The following LRMDA variants were observed in gnomAD, a reference collection of about 807,000 sequenced individuals.
LRMDA encodes leucine rich melanocyte differentiation associated.
Under a neutral mutation model 29.8 loss-of-function variants are expected in LRMDA, and 18 were observed. The ratio of observed to expected loss-of-function variants is 0.60; its 90% CI spans 0.42 to 0.90. LRMDA has a LOEUF of 0.90. Among genes scored for constraint, LRMDA ranks in the 40% least tolerant of loss-of-function variants. The pLI, the probability that LRMDA is intolerant of heterozygous loss-of-function variation, is 0.00. For synonymous variants in LRMDA, 125 were observed against 109.4 expected, an observed-to-expected ratio of 1.14 and a Z score of -0.89; for missense variants, 273 against 273.9, an observed-to-expected ratio of 1.00 and a Z score of 0.02.
chr10:75,798,505 TTTC>T (rs1401897738), intron 2 of LRMDA, among the ~76,000 whole-genome samples: 1 of 152,118 alleles, frequency 6.6e-6, no homozygotes, highest in Non-Finnish European at 1.5e-5. Context: ...TTCATTGATT[TTTC>T]TTCTTTTTAC....
At chr10:76,016,768 C>T (rs191743773) in intron 2 of LRMDA, among the ~76,000 whole-genome samples, 1 of 152,220 alleles carries the variant, frequency 6.6e-6, no homozygotes, top group African/African-American at 2.4e-5. Flanking sequence ...GAGGCCAGGT[C>T]TTAGGAAAAG....
chr10:75,635,072 C>A (rs1309150744), intron 2 of LRMDA, among the ~76,000 whole-genome samples: 1 of 152,144 alleles, frequency 6.6e-6, no homozygotes, highest in Non-Finnish European at 1.5e-5. Context: ...TGAGAAATTG[C>A]TGCTTTGCTT....
chr10:75,903,581 A>G (rs1845712693), intron 2 of LRMDA, among the ~76,000 whole-genome samples: 1 of 152,250 alleles, frequency 6.6e-6, no homozygotes, highest in Admixed American at 6.5e-5. Context: ...ATTAATAACA[A>G]CAACAATAAT....
intron 6 of LRMDA, among the ~76,000 whole-genome samples, chr10:76,466,273 G>A (rs1463329456): frequency 2.0e-5 from 3 of 152,122 alleles, no homozygotes; most frequent in Non-Finnish European, 4.4e-5. Flanking sequence ...TGAGCAGCTG[G>A]TACTGGCAAG....
rs77139290 is a variant in LRMDA at position 75,712,214 on chromosome 10, C to T, written c.131+273720C>T. Among the ~76,000 whole-genome samples the T allele has an allele frequency of 1.5e-3, 234 of 152,282 alleles. 2 individuals carry two copies. The highest frequency in any genetic ancestry group is 5.5e-3 in the African/African-American group (228 of 41,560). ...TAGAAAATTCAGCAAACATCTCACT[C>T]CATTATCCCTACCTCATCCCTCCCC... is the stretch of plus-strand genomic sequence containing the variant. On this transcript the variant is annotated intron_variant, in intron 2 of 6. Coordinates refer to ENST00000611255, the MANE Select transcript of LRMDA (RefSeq NM_001305581.2).
chr10:76,426,785 T>C (rs915325952), intron 6 of LRMDA, among the ~76,000 whole-genome samples: 1 of 152,206 alleles, frequency 6.6e-6, no homozygotes, highest in Non-Finnish European at 1.5e-5. Flanking sequence ...TTGCATAAGG[T>C]GTAAGGAAGG....
At chr10:76,279,618 T>A (rs1430808694) in intron 5 of LRMDA, among the ~76,000 whole-genome samples, 1 of 146,658 alleles carries the variant, frequency 6.8e-6, no homozygotes, top group South Asian at 2.2e-4. Flanking sequence ...CGATCTTGGC[T>A]CACTGCAACC....
At chr10:76,068,134 T>G (rs1326206693) in intron 5 of LRMDA, among the ~76,000 whole-genome samples, 4 of 152,264 alleles carry the variant, frequency 2.6e-5, no homozygotes, top group African/African-American at 9.6e-5. Flanking sequence ...AGGGATGGCA[T>G]GGTCCCATTT....
chr10:76,478,470 AT>A (rs1842701626), intron 6 of LRMDA, among the ~76,000 whole-genome samples: 1 of 152,186 alleles, frequency 6.6e-6, no homozygotes, highest in African/African-American at 2.4e-5. Flanking sequence ...TAGTTCAACC[AT>A]TGTGGAAGTC....
chr10:75,987,607 C>T (rs1245659373), intron 2 of LRMDA, among the ~76,000 whole-genome samples: 3 of 152,198 alleles, frequency 2.0e-5, no homozygotes, highest in Admixed American at 6.5e-5. Flanking sequence ...CACTGGCTGC[C>T]ATAAGAGCTG....
At chr10:76,416,921 A>T (rs1333680343) in intron 6 of LRMDA, among the ~76,000 whole-genome samples, 1 of 152,138 alleles carries the variant, frequency 6.6e-6, no homozygotes, top group Non-Finnish European at 1.5e-5. Flanking sequence ...TTTAACTGTT[A>T]TGGATGTATA....
At chr10:75,492,428 A>T (rs896633936) in intron 2 of LRMDA, among the ~76,000 whole-genome samples, 2 of 152,202 alleles carry the variant, frequency 1.3e-5, no homozygotes, top group Non-Finnish European at 2.9e-5. Context: ...AGTATGTTAA[A>T]TGAAGTTTTA....
At chr10:76,381,314 T>A (rs1386338006) in intron 6 of LRMDA, among the ~76,000 whole-genome samples, 1 of 152,130 alleles carries the variant, frequency 6.6e-6, no homozygotes, top group African/African-American at 2.4e-5. Flanking sequence ...TAAAATGTAA[T>A]TTATTTGATA....
chr10:76,099,544 A>C (rs1161990720), intron 5 of LRMDA, among the ~76,000 whole-genome samples: 1 of 152,134 alleles, frequency 6.6e-6, no homozygotes, highest in Non-Finnish European at 1.5e-5. Context: ...TTTTAGTGCT[A>C]TAAATTTCCC....
At chr10:76,072,993 G>T (rs906152255) in intron 5 of LRMDA, among the ~76,000 whole-genome samples, 5 of 152,194 alleles carry the variant, frequency 3.3e-5, no homozygotes, top group Non-Finnish European at 7.3e-5. Context: ...TCTGGCAGTG[G>T]TCTGATTGTG....
At chr10:75,485,692 C>A (rs1421384521) in intron 2 of LRMDA, among the ~76,000 whole-genome samples, 9 of 152,156 alleles carry the variant, frequency 5.9e-5, no homozygotes, top group Non-Finnish European at 1.3e-4. Flanking sequence ...ATTCTCCTGC[C>A]TGAGCCTCCT....
chr10:76,324,441 A>G lies in LRMDA; in HGVS notation c.557A>G (p.Tyr186Cys). 8.1e-6 allele frequency: 13 copies of G among 1,613,978 alleles called. No individual in the cohort carries two copies. The highest frequency in any genetic ancestry group is 1.1e-5 in the Non-Finnish European group (13 of 1,179,998). The change falls in exon 6 of 7, where the codon TAC becomes TGC. Residue 186 changes from tyrosine to cysteine, a missense_variant. Coordinates refer to ENST00000611255, the MANE Select transcript of LRMDA (RefSeq NM_001305581.2). Reference protein sequence around the residue: ...EDVASSPERHYTPLPSASREL... With the variant: ...EDVASSPERHCTPLPSASREL... ...GTTGCCAGCTCCCCGGAGCGCCACT[A>G]CACGCCCTTGCCTTCTGCTTCCAGG... is the stretch of plus-strand genomic sequence containing the variant.
At chr10:76,501,400 T>C (rs988076657) in intron 6 of LRMDA, among the ~76,000 whole-genome samples, 13 of 151,964 alleles carry the variant, frequency 8.6e-5, no homozygotes, top group Admixed American at 6.6e-5. Flanking sequence ...AGTAATTGGG[T>C]TACTGGTTGA....
intron 6 of LRMDA, among the ~76,000 whole-genome samples, chr10:76,521,180 C>A (rs900675956): frequency 6.9e-6 from 1 of 145,138 alleles, no homozygotes; most frequent in African/African-American, 2.6e-5. Context: ...GTCGCCCAGG[C>A]TGGAGTGCCG....
Sources: allele counts gnomAD v4.1 joint callset (sites outside exome capture counted in the v4.1 genomes callset), GRCh38; gene constraint gnomAD v4.1.1; transcripts MANE v1.5; gene names NCBI Gene and HGNC (gene_info 2026-07-23, HGNC 2026-07-21).